The following SETMAR variants were observed in gnomAD, a reference collection of about 807,000 sequenced individuals.
SETMAR encodes histone-lysine N-methyltransferase SETMAR.
A neutral mutation model predicts 58.4 loss-of-function variants in SETMAR; 44 were observed. The ratio of observed to expected loss-of-function variants is 0.75; its 90% CI spans 0.59 to 0.97. SETMAR has a LOEUF of 0.97. SETMAR is among the 50% of genes least tolerant of loss of function. The pLI is 0.00. For synonymous variants in SETMAR, 332 were observed against 307.4 expected (o/e 1.08, Z -0.84); for missense variants, 903 against 840.2 (o/e 1.07, Z -0.92).
chr3:4,315,892 C>G (rs1284136401), intron 2 of SETMAR, among the ~76,000 whole-genome samples: 1 of 151,622 alleles, frequency 6.6e-6, no homozygotes, highest in Non-Finnish European at 1.5e-5. Flanking sequence ...ACTAAAAATA[C>G]AAAAATTAGT....
At chr3:4,312,785 G>T in intron 1 of SETMAR, 113 bp from the exon 2 acceptor site, 1 of 1,232,010 alleles carries the variant, frequency 8.1e-7, no homozygotes, top group Non-Finnish European at 1.1e-6. Context: ...TGACAGTTTT[G>T]TCCTGTTTTT....
intron 1 of SETMAR, among the ~76,000 whole-genome samples, chr3:4,306,520 G>A (rs2125078105): frequency 6.6e-6 from 1 of 152,314 alleles, no homozygotes; most frequent in African/African-American, 2.4e-5. Flanking sequence ...AACTATCTCT[G>A]TATATGCACA....
rs1028394852 is a variant in SETMAR, at chr3:4,317,023, C to A, written c.1832C>A (p.Pro611His). The A allele has an allele frequency of 9.0e-6, 14 of 1,549,402 alleles. No homozygotes were observed. Among genetic ancestry groups the A allele is most frequent in the Non-Finnish European group, 1.0e-5 (12 of 1,146,728 alleles). Residue 611 changes from proline (P) to histidine (H), a missense_variant, in exon 3 of 3, where the codon CCT becomes CAT. Coordinates refer to ENST00000358065, the MANE Select transcript of SETMAR (RefSeq NM_006515.4). ...KLNELGYEVLPHPPYSPDLLP... is the reference protein window; with the variant it reads ...KLNELGYEVLHHPPYSPDLLP... ...AATGAATTGGGCTATGAAGTTTTGC[C>A]TCATCCACCGTATTCACCTGACCTC...
At chr3:4,305,301 GTC>G (rs1698146791) in intron 1 of SETMAR, among the ~76,000 whole-genome samples, 1 of 152,106 alleles carries the variant, frequency 6.6e-6, no homozygotes, top group African/African-American at 2.4e-5. Flanking sequence ...GCCCAGGCTG[GTC>G]TCAAACTCCT....
rs868814379 is a variant in SETMAR, at chr3:4,316,774, CA to C, written c.1589del (p.Lys530ArgfsTer13). ...CACTTCCCAAAGCCAATCTTGCACC[CA>C]AAAAAGGTCATGGTCACTATTTGGT... ...PKHFPKPILH[P>X]KKVMVTIWWS... On this transcript the variant is annotated frameshift_variant, in exon 3 of 3. Transcript: ENST00000358065. LOFTEE classifies it high-confidence loss of function. The C allele has an allele frequency of 6.4e-7, 1 of 1,550,532 alleles. No individual in the cohort carries two copies. Among genetic ancestry groups the C allele is most frequent in the South Asian group, 1.2e-5 (1 of 84,028 alleles).
chr3:4,312,194 C>A (rs1028667422), intron 1 of SETMAR, among the ~76,000 whole-genome samples: 1 of 152,152 alleles, frequency 6.6e-6, no homozygotes, highest in East Asian at 1.9e-4. Context: ...CTATGACTTT[C>A]TTATCCCCAA....
Position 4,316,226 on chromosome 3 carries a change from G to A in SETMAR, c.1035G>A (p.Met345Ile), listed in dbSNP as rs1407729389. The change falls in exon 3 of 3, where the codon ATG becomes ATA. Residue 345 changes from methionine to isoleucine, a missense_variant. Coordinates refer to ENST00000358065, the MANE Select transcript of SETMAR (RefSeq NM_006515.4). Reference sequence around the variant, plus strand: ...GTTTATTTTAGACTATGAAAATGATGTTAGACAAAAAGCAAATTCGAGCAA... The same window carrying A: ...GTTTATTTTAGACTATGAAAATGATATTAGACAAAAAGCAAATTCGAGCAA... ...KRLTLETMKM[M>I]LDKKQIRAIF... 1 of 712,274 alleles carries A rather than the reference G, an allele frequency of 1.4e-6. No individual in the cohort carries two copies. Among genetic ancestry groups the A allele is most frequent in the South Asian group, 1.5e-5 (1 of 67,060 alleles). The allele number at this position is 712,274 out of a possible 1,614,324, so 44.1% of individuals were successfully genotyped here. A position where few individuals can be genotyped will look rare whatever the true frequency, so the allele number is the denominator to read the frequency against.
At position 4,312,887 on chromosome 3, in the gene SETMAR, A is replaced by AT. The variant is rs1559217297; in HGVS notation, c.157-5dup. The stretch of plus-strand genomic sequence containing the variant: ...TGCCGTGCTGACTTACAGTGTGTAT[A>AT]TTTTTTACAGTACACTCCTGATCAT... On this transcript the variant is annotated splice_polypyrimidine_tract_variant and intron_variant, in intron 1 of 2. Coordinates refer to ENST00000358065, the MANE Select transcript of SETMAR (RefSeq NM_006515.4). The AT allele has an allele frequency of 6.3e-7, 1 of 1,598,854 alleles. No homozygotes were observed. The highest frequency in any genetic ancestry group is 2.2e-5 in the East Asian group (1 of 44,784).
chr3:4,307,727 T>C (rs1236149450), intron 1 of SETMAR, among the ~76,000 whole-genome samples: 1 of 152,132 alleles, frequency 6.6e-6, no homozygotes, highest in Non-Finnish European at 1.5e-5. Flanking sequence ...ACTTACATTG[T>C]AACAATGCAG....
Position 4,313,483 on chromosome 3 carries a change from G to A in SETMAR, c.742G>A (p.Ala248Thr). The change falls in exon 2 of 3, where the codon GCA becomes ACA. Residue 248 changes from alanine to threonine, a missense_variant. Coordinates refer to ENST00000358065, the MANE Select transcript of SETMAR (RefSeq NM_006515.4). ...AATGGTACCTAAGTTGGCACTTTTTGCAGCCAAAGATATTGTGCCAGAAGA... is the reference window on the plus strand; with the variant it reads ...AATGGTACCTAAGTTGGCACTTTTTACAGCCAAAGATATTGTGCCAGAAGA... ...DSMVPKLALF[A>T]AKDIVPEEEL... is the part of the protein sequence containing the mutation. 6.2e-7 allele frequency: 1 copy of A among 1,613,436 alleles called. No homozygotes were observed. The highest frequency in any genetic ancestry group is 1.3e-5 in the African/African-American group (1 of 74,932).
chr3:4,313,911 A>T, intron 2 of SETMAR, 150 bp downstream of exon 2: 1 of 1,374,858 alleles, frequency 7.3e-7, no homozygotes. Flanking sequence ...CCTTTCTGTA[A>T]TAGAATTCTC....
chr3:4,312,130 A>T (rs1349426757), intron 1 of SETMAR, among the ~76,000 whole-genome samples: 4 of 152,188 alleles, frequency 2.6e-5, no homozygotes, highest in Non-Finnish European at 4.4e-5. Flanking sequence ...ATATCTAGTA[A>T]TATCTATTTA....
rs555033032 is a variant in SETMAR, at chr3:4,305,112, G to A, written c.156+1586G>A. Among the ~76,000 whole-genome samples, 8 of 152,016 alleles carry A rather than the reference G, an allele frequency of 5.3e-5. 1 individual carries two copies. Among genetic ancestry groups the A allele is most frequent in the African/African-American group, 1.9e-4 (8 of 41,498 alleles). ...AGATAAAGGGTTTTTTTTTGAGACG[G>A]AGCTTGACTCCATCACCCAGGCTAG... On this transcript the variant is annotated intron_variant, in intron 1 of 2. Coordinates refer to ENST00000358065, the MANE Select transcript of SETMAR (RefSeq NM_006515.4).
rs760655284 is a variant in SETMAR, at chr3:4,303,738, A to G, written c.156+212A>G. ...CCTTAGCAAGGGTGTTGTCCTTTTC[A>G]GTCCATTCCCTGAAGCGCAGAACCG... On this transcript the variant is annotated intron_variant, in intron 1 of 2. Coordinates refer to ENST00000358065, the MANE Select transcript of SETMAR (RefSeq NM_006515.4). 5 of 1,493,610 alleles carry G rather than the reference A, an allele frequency of 3.3e-6. No individual in the cohort carries two copies. In the South Asian group the frequency reaches 6.1e-5, roughly 18 times the overall value. 92.5% of individuals were successfully genotyped at this position (1,493,610 alleles called of 1,614,324 possible).
rs1159299184 is a variant in SETMAR at position 4,316,467 on chromosome 3, C to T, written c.1276C>T (p.Leu426Phe). Residue 426 changes from leucine (L) to phenylalanine (F), a missense_variant, in exon 3 of 3, where the codon CTT becomes TTT. Transcript: ENST00000358065. ...QLRAIIEADPLTTTREVAEEL... is the reference protein window; with the variant it reads ...QLRAIIEADPFTTTREVAEEL... The stretch of plus-strand genomic sequence containing the variant: ...GAGAGCAATCATCGAAGCTGATCCC[C>T]TTACAACTACACGAGAAGTTGCTGA... The T allele has an allele frequency of 3.7e-6, 6 of 1,604,558 alleles. No homozygotes were observed. The African/African-American group carries it at 5.4e-5, about 14-fold the overall frequency.
At position 4,313,055 on chromosome 3, in the gene SETMAR, T is replaced by C. The variant is rs142950522; in HGVS notation, c.314T>C (p.Ile105Thr). ...NYDDNSCLRD[I>T]GSGGKYAEPV... The stretch of plus-strand genomic sequence containing the variant: ...GATGATAACTCATGCCTTAGAGATA[T>C]AGGATCTGGAGGAAAGTATGCAGAG... The change falls in exon 2 of 3, where the codon ATA becomes ACA. Residue 105 changes from isoleucine (I) to threonine (T), a missense_variant. Physicochemically the swap from Ile to Thr is moderately conservative, Grantham distance 89. Coordinates refer to ENST00000358065, the MANE Select transcript of SETMAR (RefSeq NM_006515.4). 1.2e-4 allele frequency: 191 copies of C among 1,613,948 alleles called. No homozygotes were observed. The highest frequency in any genetic ancestry group is 5.5e-4 in the South Asian group (50 of 91,074).
intron 1 of SETMAR, among the ~76,000 whole-genome samples, chr3:4,305,188 C>G (rs914403372): frequency 1.3e-5 from 2 of 152,084 alleles, no homozygotes; most frequent in African/African-American, 4.8e-5. Context: ...CAGGTTCAAG[C>G]GATTCTTCCA....
chr3:4,314,683 CAGA>C (rs1392142477), intron 2 of SETMAR, among the ~76,000 whole-genome samples: 1 of 152,164 alleles, frequency 6.6e-6, no homozygotes, highest in African/African-American at 2.4e-5. Flanking sequence ...GTCCACACCA[CAGA>C]AGGAGACGGG....
rs1350194799 is a variant in SETMAR at position 4,316,576 on chromosome 3, A to G, written c.1385A>G (p.His462Arg). 4 of 1,552,380 alleles carry G rather than the reference A, an allele frequency of 2.6e-6. No homozygotes were observed. Among genetic ancestry groups the G allele is most frequent in the African/African-American group, 1.4e-5 (1 of 73,100 alleles). Reference protein sequence around the residue: ...KVKKLDKWVPHELTENQKNRR... With the variant: ...KVKKLDKWVPRELTENQKNRR... Reference sequence around the variant, plus strand: ...AAAAAGCTCGATAAGTGGGTGCCTCATGAGCTGACTGAAAATCAAAAAAAT... The same window carrying G: ...AAAAAGCTCGATAAGTGGGTGCCTCGTGAGCTGACTGAAAATCAAAAAAAT... The change falls in exon 3 of 3, where the codon CAT (histidine) becomes CGT (arginine). Residue 462 changes from histidine (H) to arginine (R), a missense_variant. Transcript: ENST00000358065.
Sources: allele counts gnomAD v4.1 joint callset (sites outside exome capture counted in the v4.1 genomes callset), GRCh38; gene constraint gnomAD v4.1.1; transcripts MANE v1.5; gene names NCBI Gene and HGNC (gene_info 2026-07-23, HGNC 2026-07-21).